Variants in ESR2 observed in about 807,000 individuals in gnomAD.
ESR2 encodes estrogen receptor beta.
In ESR2, 36 loss-of-function variants were observed where a neutral mutation model predicts 49.6. The ratio of observed to expected loss-of-function variants is 0.73; its 90% CI spans 0.56 to 0.96. The LOEUF is 0.96. Ranked by LOEUF, ESR2 falls within the 40% of genes least tolerant of loss-of-function variation. The pLI is 0.00. For synonymous variants in ESR2, 320 were observed against 266.1 expected (o/e 1.20, Z -1.97); for missense variants, 714 against 693.0 (o/e 1.03, Z -0.34).
At chr14:64,292,118 TC>T (rs2140847244) in intron 1 of ESR2, among the ~76,000 whole-genome samples, 1 of 152,330 alleles carries the variant, frequency 6.6e-6, no homozygotes, top group South Asian at 2.1e-4. Flanking sequence ...GTCTCAAGTT[TC>T]CCATTTGCAA....
At position 64,230,154 on chromosome 14, in the gene ESR2, G is replaced by A. The variant is rs542079527; in HGVS notation, c.*2983C>T. Among the ~76,000 whole-genome samples the A allele has an allele frequency of 2.0e-5, 3 of 148,532 alleles. No homozygotes were observed. The highest frequency in any genetic ancestry group is 4.4e-5 in the Non-Finnish European group (3 of 67,648). On this transcript the variant is annotated 3_prime_UTR_variant, in exon 9 of 9. Transcript: ENST00000341099. ...CGAGGCTGCAGTGAGCCATGATGGC[G>A]CCACTGCACTCTAGCCTGAGCAACA...
At chr14:64,320,895 C>CAATAAT (rs905192653) in intron 1 of ESR2, among the ~76,000 whole-genome samples, 5 of 151,190 alleles carry the variant, frequency 3.3e-5, no homozygotes, top group African/African-American at 7.3e-5. Context: ...AACTCCGCCT[C>CAATAAT]AATAATAATA....
intron 7 of ESR2, among the ~76,000 whole-genome samples, chr14:64,237,866 G>T (rs2075638698): frequency 6.6e-6 from 1 of 152,184 alleles, no homozygotes; most frequent in Non-Finnish European, 1.5e-5. Flanking sequence ...GGTTGCCTAG[G>T]GCTGTGGGTG....
intron 1 of ESR2, among the ~76,000 whole-genome samples, chr14:64,289,331 G>C (rs2076832476): frequency 6.6e-6 from 1 of 152,014 alleles, no homozygotes. Context: ...TAACCAACAT[G>C]GAGAAACCCC....
intron 1 of ESR2, among the ~76,000 whole-genome samples, chr14:64,302,433 C>T (rs1033117753): frequency 2.6e-4 from 39 of 151,826 alleles, no homozygotes; most frequent in East Asian, 5.8e-4. Context: ...GTGATCCACC[C>T]GCCTCGGCCT....
At chr14:64,336,208 G>C (rs2077530408) in intron 1 of ESR2, 1 of 152,042 alleles carries the variant, frequency 6.6e-6, no homozygotes, top group Non-Finnish European at 1.5e-5. Flanking sequence ...ACACATATTT[G>C]TGTGCACATA....
intron 5 of ESR2, among the ~76,000 whole-genome samples, chr14:64,258,911 A>G (rs973035151): frequency 2.0e-5 from 3 of 152,206 alleles, no homozygotes; most frequent in Admixed American, 1.3e-4. Flanking sequence ...AGAGAGGAGA[A>G]AAAAAATCAC....
chr14:64,230,881 A>G lies in ESR2; in HGVS notation c.*2256T>C, dbSNP rs1220718831. ...AAAAAAAAATTATATATATATATAT[A>G]TATATATTTCGTGGCAATTTTTTTT... On this transcript the variant is annotated 3_prime_UTR_variant, in exon 9 of 9. Transcript: ENST00000341099. The G allele has an allele frequency of 2.8e-5, 4 of 141,608 alleles. No homozygotes were observed. Among genetic ancestry groups the G allele is most frequent in the African/African-American group, 1.0e-4 (4 of 38,442 alleles). The allele number at this position is 141,608 out of a possible 1,614,324, so 8.8% of individuals were successfully genotyped here. A position where few individuals can be genotyped will look rare whatever the true frequency, so the allele number is the denominator to read the frequency against.
intron 7 of ESR2, among the ~76,000 whole-genome samples, chr14:64,246,987 A>G (rs2075873921): frequency 1.3e-5 from 2 of 152,126 alleles, no homozygotes; most frequent in South Asian, 4.1e-4. Context: ...CATGGCCTTC[A>G]GATTCCTTCT....
At chr14:64,294,670 G>T (rs1029091033), upstream of ESR2, among the ~76,000 whole-genome samples, 1 of 152,188 alleles carries the variant, frequency 6.6e-6, no homozygotes, top group Admixed American at 6.5e-5. Context: ...AGCCAGTCTG[G>T]GGACCACACT....
chr14:64,260,195 T>C (rs779365061), intron 5 of ESR2: 1 of 727,390 alleles, frequency 1.4e-6, no homozygotes, highest in Non-Finnish European at 2.5e-6. Flanking sequence ...CGCACAACTC[T>C]TTCTGCACTA....
intron 1 of ESR2, among the ~76,000 whole-genome samples, chr14:64,288,301 A>G (rs750772376): frequency 6.6e-6 from 1 of 152,178 alleles, no homozygotes; most frequent in African/African-American, 2.4e-5. Context: ...TGGACAAGAA[A>G]AAGTTTGGCC....
At chr14:64,249,080 T>C (rs2075929774) in intron 7 of ESR2, among the ~76,000 whole-genome samples, 3 of 152,318 alleles carry the variant, frequency 2.0e-5, no homozygotes, top group Middle Eastern at 6.8e-3. Context: ...GACTTTATCA[T>C]AGCACAGAAA....
intron 1 of ESR2, among the ~76,000 whole-genome samples, chr14:64,314,626 C>G (rs929537166): frequency 6.6e-6 from 1 of 151,716 alleles, no homozygotes; most frequent in African/African-American, 2.4e-5. Context: ...ACCTGTAATC[C>G]CAGCACTTTG....
At chr14:64,336,394 T>C (rs2077532543) in intron 1 of ESR2, 1 of 152,196 alleles carries the variant, frequency 6.6e-6, no homozygotes, top group Non-Finnish European at 1.5e-5. Context: ...TATCATAAGA[T>C]TTTATGTATT....
At position 64,251,412 on chromosome 14, in the gene ESR2, T is replaced by TACACACAC. The variant is rs111881046; in HGVS notation, c.1092-1741_1092-1734dup. Among the ~76,000 whole-genome samples, 186 of 149,406 alleles carry TACACACAC rather than the reference T, an allele frequency of 1.2e-3. 1 individual carries two copies. Among genetic ancestry groups the TACACACAC allele is most frequent in the African/African-American group, 4.5e-3 (184 of 41,102 alleles). On this transcript the variant is annotated intron_variant, in intron 6 of 8. Coordinates refer to ENST00000341099, the MANE Select transcript of ESR2 (RefSeq NM_001437.3). The stretch of plus-strand genomic sequence containing the variant: ...GGATTATACACACATGCACAATACA[T>TACACACAC]ACACACACACACACACACTCACACA...
At chr14:64,278,044 G>A (rs1344377885) in intron 3 of ESR2, among the ~76,000 whole-genome samples, 2 of 152,026 alleles carry the variant, frequency 1.3e-5, no homozygotes, top group African/African-American at 4.8e-5. Context: ...CGTTCTTAAG[G>A]GGTAAAATCC....
chr14:64,282,644 T>G lies in ESR2; in HGVS notation c.342A>C (p.Glu114Asp). 6.2e-7 allele frequency: 1 copy of G among 1,607,010 alleles called. No homozygotes were observed. The highest frequency in any genetic ancestry group is 1.1e-5 in the South Asian group (1 of 90,902). ...CTTACCTGTTTACAGGTAAGGTGTGTTCTAGCGATCTTGCTTCACACCAGG... is the reference window on the plus strand; with the variant it reads ...CTTACCTGTTTACAGGTAAGGTGTGGTCTAGCGATCTTGCTTCACACCAGG... ...KSPWCEARSL[E>D]HTLPVNRETL... Residue 114 changes from glutamate to aspartate, a missense_variant, in exon 2 of 9, where the codon GAA (glutamate) becomes GAC (aspartate). Glu to Asp is a conservative substitution (Grantham distance 45, BLOSUM62 2). Coordinates refer to ENST00000341099, the MANE Select transcript of ESR2 (RefSeq NM_001437.3).
downstream of ESR2, chr14:64,227,945 T>G: frequency 6.3e-7 from 1 of 1,594,250 alleles, no homozygotes; most frequent in Non-Finnish European, 8.5e-7. Flanking sequence ...AAGGATATAA[T>G]TCTAATCAAA....
Sources: allele counts gnomAD v4.1 joint callset (sites outside exome capture counted in the v4.1 genomes callset), GRCh38; gene constraint gnomAD v4.1.1; transcripts MANE v1.5; gene names NCBI Gene and HGNC (gene_info 2026-07-23, HGNC 2026-07-21).